PANK4: variants seen among roughly 807,000 people sequenced by gnomAD.
The protein encoded by PANK4 is pantothenate kinase 4 (inactive).
In PANK4, 40 loss-of-function variants were observed where a neutral mutation model predicts 87.9. The ratio of observed to expected loss-of-function variants is 0.46; its 90% confidence interval spans 0.35 to 0.59. The LOEUF (loss-of-function observed/expected upper bound fraction) is 0.59. PANK4 is among the 20% of genes least tolerant of loss of function. The probability of loss-of-function intolerance (pLI) is 0.00; values close to 1 mark genes in which losing one functional copy is unlikely to be tolerated. For missense variants in PANK4, 926 were observed against 1,072.3 expected (o/e 0.86, Z 1.90); for synonymous variants, 524 against 467.4 (o/e 1.12, Z -1.56).
chr1:2,515,359 C>T lies in PANK4; in HGVS notation c.1374+203G>A, dbSNP rs775571602. ...GAAGCAACGTGCCTCGCAGACGCCACGTCCTCACTGACCCACCAGGTGGCC... is the reference window on the plus strand; with the variant it reads ...GAAGCAACGTGCCTCGCAGACGCCATGTCCTCACTGACCCACCAGGTGGCC... On this transcript the variant is annotated intron_variant, in intron 10 of 18. Transcript: ENST00000378466. This position sits in a 1 kb window ranked among gnomAD's most constrained non-coding sequence, Gnocchi z 5.0. 9.9e-6 allele frequency: 7 copies of T among 704,152 alleles called. 1 individual carries two copies. The highest frequency in any genetic ancestry group is 6.0e-5 in the South Asian group (4 of 66,932). The allele number at this position is 704,152 out of a possible 1,614,324, so 43.6% of individuals were successfully genotyped here.
rs565554835 is a variant in PANK4 at position 2,515,012 on chromosome 1, A to G, written c.1375-546T>C. Among the ~76,000 whole-genome samples the G allele has an allele frequency of 2.6e-5, 4 of 152,266 alleles. No individual in the cohort carries two copies. The highest frequency in any genetic ancestry group is 2.6e-4 in the Admixed American group (4 of 15,296). ...CTCCTCCCTCAGGACAAACCCTGGC[A>G]CGACCCGGCCTCTCCGAGGGCTTCG... On this transcript the variant is annotated intron_variant, in intron 10 of 18. Coordinates refer to ENST00000378466, the MANE Select transcript of PANK4 (RefSeq NM_018216.4). The surrounding 1 kb of genome is among the most constrained non-coding windows in gnomAD (Gnocchi z 5.0).
chr1:2,515,497 G>T lies in PANK4; in HGVS notation c.1374+65C>A. The stretch of plus-strand genomic sequence containing the variant: ...CCTTCGCCACCTTGGCTTTGCCCCC[G>T]GAGCCTTGGAAGGTTAACCCGGCTG... On this transcript the variant is annotated intron_variant, in intron 10 of 18. Transcript: ENST00000378466. The surrounding 1 kb of genome is among the most constrained non-coding windows in gnomAD (Gnocchi z 5.0). The T allele has an allele frequency of 6.4e-7, 1 of 1,563,020 alleles. No individual in the cohort carries two copies. The highest frequency in any genetic ancestry group is 1.1e-5 in the South Asian group (1 of 90,074).
At chr1:2,513,155 C>A in intron 12 of PANK4, 116 bp from the exon 13 acceptor site, 1 of 1,085,236 alleles carries the variant, frequency 9.2e-7, no homozygotes, top group South Asian at 1.5e-5. Flanking sequence ...GACTCAGGCC[C>A]AACTGGGACC....
rs776395104 is a variant in PANK4, at chr1:2,518,233, A to G, written c.1149T>C (p.Tyr383=). Residue 383 remains tyrosine (Y), a synonymous_variant, in exon 9 of 19, where the codon TAT becomes TAC. Coordinates refer to ENST00000378466, the MANE Select transcript of PANK4 (RefSeq NM_018216.4). ...NPNQYSWGEN[Y]AGSSGLMSAS... is the part of the protein sequence containing the mutation. ...CACTCATCAGCCCGGAGCTGCCTGC[A>G]TAGTTCTCTCCCCAGCTGTACTGGT... 1.9e-6 allele frequency: 3 copies of G among 1,612,158 alleles called. No homozygotes were observed. The highest frequency in any genetic ancestry group is 2.7e-5 in the African/African-American group (2 of 75,060).
Position 2,509,174 on chromosome 1 carries a change from T to C in PANK4, c.2109-114A>G, listed in dbSNP as rs1170001717. ...ACCCCTACCGCTCAATTCCCTGATG[T>C]GGAGGCCTCCAAACCCAGCCTCCGC... On this transcript the variant is annotated intron_variant, in intron 18 of 18. Transcript: ENST00000378466. This position sits in a 1 kb window ranked among gnomAD's most constrained non-coding sequence, Gnocchi z 4.9. The C allele has an allele frequency of 2.4e-6, 2 of 820,434 alleles. No homozygotes were observed. The highest frequency in any genetic ancestry group is 3.4e-5 in the African/African-American group (2 of 58,236). 50.8% of individuals were successfully genotyped at this position (820,434 alleles called of 1,614,324 possible). A position where few individuals can be genotyped will look rare whatever the true frequency, so the allele number is the denominator to read the frequency against.
rs755085594 is a variant in PANK4 at position 2,508,804 on chromosome 1, T to G, written c.*43A>C. On this transcript the variant is annotated 3_prime_UTR_variant, in exon 19 of 19. Transcript: ENST00000378466. This position sits in a 1 kb window ranked among gnomAD's most constrained non-coding sequence, Gnocchi z 5.1. ...TTTCCCTGTGGTGGTAAAAACACAT[T>G]CCTGACAAGTGACAAGCAGAAGAGT... 6.7e-5 allele frequency: 82 copies of G among 1,217,464 alleles called. No homozygotes were observed. The highest frequency in any genetic ancestry group is 9.2e-5 in the Non-Finnish European group (77 of 839,054). The allele number at this position is 1,217,464 out of a possible 1,614,324, so 75.4% of individuals were successfully genotyped here.
At position 2,508,914 on chromosome 1, in the gene PANK4, C is replaced by T; in HGVS notation, c.2255G>A (p.Trp752Ter). 1 of 1,610,670 alleles carries T rather than the reference C, an allele frequency of 6.2e-7. No homozygotes were observed. The highest frequency in any genetic ancestry group is 8.5e-7 in the Non-Finnish European group (1 of 1,179,064). Residue 752 changes from tryptophan to a stop codon, truncating the protein, a stop_gained, in exon 19 of 19, where the codon TGG becomes TAG. Coordinates refer to ENST00000378466, the MANE Select transcript of PANK4 (RefSeq NM_018216.4). LOFTEE classifies it high-confidence loss of function. This position sits in a 1 kb window ranked among gnomAD's most constrained non-coding sequence, Gnocchi z 5.1. ...CCGGCCGCCCAGCCGCTCGGCCAGC[C>T]ACGCGTTCTTGATGACGGCCAGCTT... ...SLKLAVIKNA[W>*]LAERLGGRLF...
In PANK4 at chr1:2,515,764, A is replaced by G; in HGVS notation, c.1219-47T>C. ...GGTGGAAACGTCACCATGGTTCAGA[A>G]CGACCCAAGCCACACTCAGAAGCTT... is the stretch of plus-strand genomic sequence containing the variant. On this transcript the variant is annotated intron_variant, in intron 9 of 18. Transcript: ENST00000378466. This position sits in a 1 kb window ranked among gnomAD's most constrained non-coding sequence, Gnocchi z 5.0. The G allele has an allele frequency of 6.4e-7, 1 of 1,570,412 alleles. No homozygotes were observed. The highest frequency in any genetic ancestry group is 8.7e-7 in the Non-Finnish European group (1 of 1,151,070).
rs1329099610 is a variant in PANK4, at chr1:2,509,887, A to C, written c.2083T>G (p.Ser695Ala). ...CTGAGGTCGAGGCACGGGGAGCTGG[A>C]GCCCGTCTGCACCAGCAGCAGCCTC... is the stretch of plus-strand genomic sequence containing the variant. ...EERLLLVQTG[S>A]SSPCLDLSRL... The change falls in exon 18 of 19, where the codon TCC (serine) becomes GCC (alanine). Residue 695 changes from serine (S) to alanine (A), a missense_variant. By Grantham distance (99) the Ser-to-Ala change is moderately conservative. Transcript: ENST00000378466. This position sits in a 1 kb window ranked among gnomAD's most constrained non-coding sequence, Gnocchi z 4.9. 1 of 1,612,112 alleles carries C rather than the reference A, an allele frequency of 6.2e-7. No individual in the cohort carries two copies. The highest frequency in any genetic ancestry group is 8.5e-7 in the Non-Finnish European group (1 of 1,179,854).
Position 2,518,279 on chromosome 1 carries a change from GC to G in PANK4, c.1118-16del. On this transcript the variant is annotated splice_polypyrimidine_tract_variant and intron_variant, in intron 8 of 18. Transcript: ENST00000378466. ...CTGGTTAGGATCTGGAAAGCAAGAAGCCAGGTCACTTGTGTTAACCTTGCCC... is the reference window on the plus strand; with the variant it reads ...CTGGTTAGGATCTGGAAAGCAAGAAGCAGGTCACTTGTGTTAACCTTGCCC... 1 of 1,578,508 alleles carries G rather than the reference GC, an allele frequency of 6.3e-7. No homozygotes were observed. Among genetic ancestry groups the G allele is most frequent in the Non-Finnish European group, 8.7e-7 (1 of 1,150,816 alleles).
Position 2,509,158 on chromosome 1 carries a change from G to A in PANK4, c.2109-98C>T, listed in dbSNP as rs367577545. 5 of 928,666 alleles carry A rather than the reference G, an allele frequency of 5.4e-6. No individual in the cohort carries two copies. Among genetic ancestry groups the A allele is most frequent in the East Asian group, 2.6e-5 (1 of 37,870 alleles). The allele number at this position is 928,666 out of a possible 1,614,324, so 57.5% of individuals were successfully genotyped here. On this transcript the variant is annotated intron_variant, in intron 18 of 18. Coordinates refer to ENST00000378466, the MANE Select transcript of PANK4 (RefSeq NM_018216.4). The surrounding 1 kb of genome is among the most constrained non-coding windows in gnomAD (Gnocchi z 4.9). The stretch of plus-strand genomic sequence containing the variant: ...CAACGTGAAGGCTGAAACCCCTACC[G>A]CTCAATTCCCTGATGTGGAGGCCTC...
chr1:2,511,476 A>G, intron 14 of PANK4, 89 bp from the exon 15 acceptor site: 1 of 1,185,830 alleles, frequency 8.4e-7, no homozygotes, highest in Non-Finnish European at 1.3e-6. Flanking sequence ...CTCTCCAGGA[A>G]GCAAGTTCTC....
intron 7 of PANK4, 117 bp from the exon 8 acceptor site, chr1:2,518,714 C>T: frequency 2.5e-6 from 2 of 808,628 alleles, no homozygotes; most frequent in South Asian, 2.9e-5. Context: ...CGAAGAGGCG[C>T]CATGGCACCC....
chr1:2,516,776 T>A (rs966236679), intron 9 of PANK4, among the ~76,000 whole-genome samples: 2 of 152,328 alleles, frequency 1.3e-5, no homozygotes, highest in Middle Eastern at 3.4e-3. Context: ...CCACCTTAAC[T>A]ACCACGGACC....
At chr1:2,518,809 C>T (rs1643833154) in intron 7 of PANK4, among the ~76,000 whole-genome samples, 1 of 152,240 alleles carries the variant, frequency 6.6e-6, no homozygotes, top group African/African-American at 2.4e-5. Context: ...TAGCTTCTCC[C>T]ATGCAGCGAG....
rs1570538572 is a variant in PANK4 at position 2,515,500 on chromosome 1, G to A, written c.1374+62C>T. ...TCGCCACCTTGGCTTTGCCCCCGGA[G>A]CCTTGGAAGGTTAACCCGGCTGCGG... On this transcript the variant is annotated intron_variant, in intron 10 of 18. Coordinates refer to ENST00000378466, the MANE Select transcript of PANK4 (RefSeq NM_018216.4). This position sits in a 1 kb window ranked among gnomAD's most constrained non-coding sequence, Gnocchi z 5.0. The A allele has an allele frequency of 2.5e-6, 4 of 1,572,220 alleles. No individual in the cohort carries two copies. Among genetic ancestry groups the A allele is most frequent in the Non-Finnish European group, 2.6e-6 (3 of 1,144,356 alleles).
intron 12 of PANK4, 125 bp from the exon 13 acceptor site, chr1:2,513,164 C>T (rs1008179138): frequency 2.0e-6 from 2 of 987,566 alleles, no homozygotes; most frequent in Non-Finnish European, 3.0e-6. Flanking sequence ...CCAACTGGGA[C>T]CCCACCAGGC....
chr1:2,517,107 G>A (rs1643794560), intron 9 of PANK4, among the ~76,000 whole-genome samples: 1 of 152,184 alleles, frequency 6.6e-6, no homozygotes, highest in African/African-American at 2.4e-5. Flanking sequence ...AGAAACTGAG[G>A]CTGGAAGACA....
intron 13 of PANK4, among the ~76,000 whole-genome samples, chr1:2,511,935 G>A (rs999438674): frequency 1.3e-4 from 20 of 152,146 alleles, no homozygotes; most frequent in Admixed American, 2.6e-4. Context: ...GCTGCTCAAC[G>A]TGAAGACCCC....
Sources: allele counts gnomAD v4.1 joint callset (sites outside exome capture counted in the v4.1 genomes callset), GRCh38; gene constraint gnomAD v4.1.1; non-coding constraint Gnocchi (gnomAD v3.1); transcripts MANE v1.5; gene names NCBI Gene and HGNC (gene_info 2026-07-23, HGNC 2026-07-21).